Variants in SLC29A3 observed in about 807,000 individuals in gnomAD.
The protein encoded by SLC29A3 is equilibrative nucleoside transporter 3.
A neutral mutation model predicts 25.4 loss-of-function variants in SLC29A3; 18 were observed. That is an observed-to-expected ratio of 0.71 (90% CI 0.49 to 1.05). The LOEUF (loss-of-function observed/expected upper bound fraction) is 1.05, where lower values mean the gene tolerates loss of function less well. Ranked by LOEUF, SLC29A3 falls within the 50% of genes least tolerant of loss-of-function variation. The probability of loss-of-function intolerance (pLI) is 0.00; values close to 1 mark genes in which losing one functional copy is unlikely to be tolerated. For missense variants in SLC29A3, 586 were observed against 609.0 expected, an observed-to-expected ratio of 0.96 and a Z score of 0.40; for synonymous variants, 258 against 267.1, an observed-to-expected ratio of 0.97 and a Z score of 0.33.
chr10:71,333,152 A>G (rs1011520552), intron 2 of SLC29A3, among the ~76,000 whole-genome samples: 6 of 152,238 alleles, frequency 3.9e-5, no homozygotes, highest in African/African-American at 1.2e-4. Context: ...AGTCTCCACC[A>G]AGGAGCCCAG....
chr10:71,326,605 C>T (rs1323516756), intron 2 of SLC29A3, among the ~76,000 whole-genome samples: 3 of 152,256 alleles, frequency 2.0e-5, no homozygotes, highest in Non-Finnish European at 2.9e-5. Flanking sequence ...TGCCCTGCCC[C>T]TCCTCTGTCC....
intron 2 of SLC29A3, among the ~76,000 whole-genome samples, chr10:71,329,412 C>G (rs1430586911): frequency 1.4e-5 from 2 of 142,328 alleles, no homozygotes; most frequent in Middle Eastern, 3.5e-3. Context: ...GAGCCATGAT[C>G]GTGGCACTGC....
downstream of SLC29A3, among the ~76,000 whole-genome samples, chr10:71,363,808 C>CTTTTTTTTTTTTTTTTTTTTTTTTTT (rs71012277): frequency 2.9e-5 from 3 of 103,720 alleles, 1 homozygote; most frequent in Non-Finnish European, 5.9e-5. Flanking sequence ...TTTCCTTTTT[C>CTTTTTTTTTTTTTTTTTTTTTTTTTT]TTTTCTTTTT....
At chr10:71,361,482 C>G (rs1178653689) in intron 5 of SLC29A3, among the ~76,000 whole-genome samples, 1 of 152,184 alleles carries the variant, frequency 6.6e-6, no homozygotes, top group Non-Finnish European at 1.5e-5. Context: ...ACAGCCAGTA[C>G]CACTAAGGAG....
intron 3 of SLC29A3, among the ~76,000 whole-genome samples, chr10:71,345,210 C>G (rs1234076203): frequency 6.6e-6 from 1 of 152,186 alleles, no homozygotes; most frequent in Non-Finnish European, 1.5e-5. Context: ...TTATCTGTTA[C>G]ATAATATGAT....
chr10:71,331,713 C>A lies in SLC29A3; in HGVS notation c.300+8659C>A, dbSNP rs1846121764. Among the ~76,000 whole-genome samples the A allele has an allele frequency of 2.0e-5, 3 of 152,226 alleles. No individual in the cohort carries two copies. The South Asian group carries it at 6.2e-4, about 32-fold the overall frequency. On this transcript the variant is annotated intron_variant, in intron 2 of 5. Coordinates refer to ENST00000373189, the MANE Select transcript of SLC29A3 (RefSeq NM_018344.6). The stretch of plus-strand genomic sequence containing the variant: ...GCTGTGCAACCTGTAGTTTGAAAAA[C>A]CCTGCTCTGCCTGTTTCCCCTAACT...
intron 3 of SLC29A3, among the ~76,000 whole-genome samples, chr10:71,368,940 CA>C (rs1847190976): frequency 6.6e-6 from 1 of 152,234 alleles, no homozygotes; most frequent in East Asian, 1.9e-4. Context: ...CCTAGTGCTA[CA>C]GATGAATGTT....
exon 5 of SLC29A3, chr10:71,380,436 C>T (rs1215104116): frequency 6.6e-6 from 1 of 152,154 alleles, no homozygotes; most frequent in African/African-American, 2.4e-5. Flanking sequence ...GTCCTGCTCC[C>T]CTCCCCTGAG....
intron 2 of SLC29A3, among the ~76,000 whole-genome samples, chr10:71,343,147 A>G (rs1371462523): frequency 6.6e-6 from 1 of 151,900 alleles, no homozygotes; most frequent in Non-Finnish European, 1.5e-5. Flanking sequence ...TAATTTTTTT[A>G]TTTTTTGTAG....
chr10:71,354,679 A>C lies in SLC29A3; in HGVS notation c.611-1402A>C, dbSNP rs7091983. 3.5e-3 allele frequency among the ~76,000 whole-genome samples: 527 copies of C among 152,072 alleles called. 4 individuals are homozygous for C. Among genetic ancestry groups the C allele is most frequent in the African/African-American group, 0.012 (508 of 41,476 alleles). On this transcript the variant is annotated intron_variant, in intron 4 of 5. Transcript: ENST00000373189. ...CCCACACGGACCCAGCCTTCTTCCCACCTCTTCAGGAATGGACATTCTGAT... is the reference window on the plus strand; with the variant it reads ...CCCACACGGACCCAGCCTTCTTCCCCCCTCTTCAGGAATGGACATTCTGAT...
At chr10:71,381,064 G>A (rs1418391596) in exon 5 of SLC29A3, 1 of 152,132 alleles carries the variant, frequency 6.6e-6, no homozygotes, top group Non-Finnish European at 1.5e-5. Context: ...CAACACATTT[G>A]TAAATGTTTT....
chr10:71,337,819 C>T (rs1846292167), intron 2 of SLC29A3, among the ~76,000 whole-genome samples: 1 of 152,218 alleles, frequency 6.6e-6, no homozygotes, highest in South Asian at 2.1e-4. Flanking sequence ...AGCACGGAGC[C>T]TCTCAGTGTG....
intron 2 of SLC29A3, 132 bp from the exon 3 acceptor site, chr10:71,344,077 C>T: frequency 1.3e-6 from 1 of 771,584 alleles, no homozygotes; most frequent in African/African-American, 1.7e-5. Context: ...GAGGTGGGCT[C>T]ACCCACGGCT....
intron 3 of SLC29A3, among the ~76,000 whole-genome samples, chr10:71,344,780 C>T (rs1846520372): frequency 1.3e-5 from 2 of 152,210 alleles, no homozygotes; most frequent in Admixed American, 1.3e-4. Context: ...GCTAGCTGGG[C>T]AAATTAGCAT....
chr10:71,325,409 A>G (rs957060715), intron 2 of SLC29A3, among the ~76,000 whole-genome samples: 2 of 152,162 alleles, frequency 1.3e-5, no homozygotes, highest in African/African-American at 2.4e-5. Context: ...TTGTTATGTC[A>G]TCGGCACATT....
chr10:71,358,241 G>A (rs901759819), intron 5 of SLC29A3, among the ~76,000 whole-genome samples: 1 of 152,132 alleles, frequency 6.6e-6, no homozygotes, highest in African/African-American at 2.4e-5. Flanking sequence ...CATTCTCCCT[G>A]TCCTCATGAG....
chr10:71,358,354 C>T (rs1846969745), intron 5 of SLC29A3, among the ~76,000 whole-genome samples: 1 of 152,214 alleles, frequency 6.6e-6, no homozygotes, highest in African/African-American at 2.4e-5. Flanking sequence ...GGATTCTTCA[C>T]CGCTTCAGCA....
intron 5 of SLC29A3, among the ~76,000 whole-genome samples, chr10:71,359,600 G>A (rs555245777): frequency 6.6e-6 from 1 of 152,178 alleles, no homozygotes; most frequent in Non-Finnish European, 1.5e-5. Context: ...TTCTGGGGAC[G>A]GGCCCTCCCA....
chr10:71,328,317 A>G (rs1206203931), intron 2 of SLC29A3, among the ~76,000 whole-genome samples: 2 of 152,148 alleles, frequency 1.3e-5, no homozygotes, highest in African/African-American at 4.8e-5. Context: ...ATCCCTGGGC[A>G]CGTCCCCTGA....
Sources: gnomAD v4.1 joint callset for allele counts (sites outside exome capture counted in the v4.1 genomes callset) on GRCh38, gnomAD v4.1.1 for gene constraint, MANE v1.5 for transcripts, NCBI Gene and HGNC (gene_info 2026-07-23, HGNC 2026-07-21) for gene names.